DAB1: variants seen among roughly 807,000 people sequenced by gnomAD.
DAB1 encodes the protein disabled homolog 1.
In DAB1, 15 loss-of-function variants were observed where a neutral mutation model predicts 64.6. The observed-to-expected ratio is 0.23, with a 90% CI of 0.16 to 0.36. DAB1 has a LOEUF of 0.36. DAB1 is among the 10% of genes least tolerant of loss of function. The pLI, the probability that DAB1 is intolerant of heterozygous loss-of-function variation, is 1.00. For synonymous variants in DAB1, 235 were observed against 251.9 expected (o/e 0.93, Z 0.64); for missense variants, 596 against 706.7 (o/e 0.84, Z 1.78).
intron 1 of DAB1, among the ~76,000 whole-genome samples, chr1:57,291,912 T>C (rs1672808199): frequency 6.6e-6 from 1 of 152,226 alleles, no homozygotes; most frequent in South Asian, 2.1e-4. Context: ...ATTTACTATA[T>C]ACCATGCCCT....
At chr1:57,254,258 G>A (rs545721362) in intron 2 of DAB1, among the ~76,000 whole-genome samples, 3 of 152,172 alleles carry the variant, frequency 2.0e-5, no homozygotes, top group Non-Finnish European at 2.9e-5. Context: ...CACCAGGCTC[G>A]GAAGCAGGAG....
intron 4 of DAB1, among the ~76,000 whole-genome samples, chr1:58,216,243 C>T (rs1166197969): frequency 6.6e-6 from 1 of 152,036 alleles, no homozygotes; most frequent in Non-Finnish European, 1.5e-5. Flanking sequence ...CGTGTTCTCA[C>T]TGTTCAACTC....
intron 5 of DAB1, among the ~76,000 whole-genome samples, chr1:58,114,686 T>C (rs929781253): frequency 1.4e-4 from 22 of 152,338 alleles, no homozygotes; most frequent in African/African-American, 5.3e-4. Context: ...ACACATACTA[T>C]TGATCCTTTG....
chr1:57,066,797 G>A (rs1427331063), intron 8 of DAB1, among the ~76,000 whole-genome samples: 1 of 152,176 alleles, frequency 6.6e-6, no homozygotes, highest in African/African-American at 2.4e-5. Flanking sequence ...TAGGAGCAGA[G>A]AATATATTAT....
At chr1:58,172,937 C>T (rs541894995) in intron 4 of DAB1, among the ~76,000 whole-genome samples, 22 of 152,304 alleles carry the variant, frequency 1.4e-4, no homozygotes, top group African/African-American at 4.8e-4. Flanking sequence ...TGGGGGAACC[C>T]CCATTAAATA....
intron 6 of DAB1, among the ~76,000 whole-genome samples, chr1:57,708,720 G>A (rs561614097): frequency 5.6e-4 from 85 of 152,234 alleles, no homozygotes; most frequent in African/African-American, 1.9e-3. Context: ...ACTGTGATAC[G>A]ACAGTACCGA....
chr1:58,303,281 C>T (rs1435354852), intron 4 of DAB1, among the ~76,000 whole-genome samples: 1 of 152,162 alleles, frequency 6.6e-6, no homozygotes, highest in Non-Finnish European at 1.5e-5. Context: ...AGAGCTGCTT[C>T]CTGCTGTTGC....
At chr1:57,542,891 A>G (rs1644817996) in intron 7 of DAB1, among the ~76,000 whole-genome samples, 1 of 152,118 alleles carries the variant, frequency 6.6e-6, no homozygotes, top group South Asian at 2.1e-4. Flanking sequence ...TGCAGCTTCC[A>G]TGTCTGTCTG....
chr1:57,497,313 G>T (rs1160216382), intron 7 of DAB1, among the ~76,000 whole-genome samples: 1 of 152,126 alleles, frequency 6.6e-6, no homozygotes, highest in African/African-American at 2.4e-5. Flanking sequence ...GTTTCACAAG[G>T]ACACTGATCA....
intron 5 of DAB1, among the ~76,000 whole-genome samples, chr1:57,918,749 A>G (rs1025329694): frequency 2.0e-5 from 3 of 152,204 alleles, no homozygotes; most frequent in Admixed American, 6.5e-5. Context: ...GTGTGAACCC[A>G]GGAGGCAGAG....
intron 2 of DAB1, among the ~76,000 whole-genome samples, chr1:58,518,928 C>T (rs1455599448): frequency 1.3e-5 from 2 of 152,104 alleles, no homozygotes; most frequent in African/African-American, 4.8e-5. Flanking sequence ...AGTTGAGGCA[C>T]AAAAAGGATA....
intron 6 of DAB1, among the ~76,000 whole-genome samples, chr1:57,726,927 C>T (rs1446219860): frequency 6.6e-6 from 1 of 152,126 alleles, no homozygotes; most frequent in Non-Finnish European, 1.5e-5. Flanking sequence ...AAACTGGACG[C>T]ATAAGCTAAA....
At chr1:57,509,900 C>T (rs374202134) in intron 7 of DAB1, among the ~76,000 whole-genome samples, 7 of 152,174 alleles carry the variant, frequency 4.6e-5, no homozygotes, top group African/African-American at 1.7e-4. Flanking sequence ...ACATTAACTC[C>T]ACCTATGCTC....
Position 57,461,361 on chromosome 1 carries a change from A to C in DAB1, n.626-170195T>G, listed in dbSNP as rs60446265. ...CTTCAGAAACATGGGTTGTTTTTCT[A>C]TTTTCCCTCAAACATAAACCCACTC... On this transcript the variant is annotated intron_variant and non_coding_transcript_variant, in intron 7 of 20. Coordinates refer to the DAB1 transcript ENST00000485760. Among the ~76,000 whole-genome samples the C allele has an allele frequency of 4.2e-3, 634 of 152,152 alleles. 2 individuals are homozygous for C. Among genetic ancestry groups the C allele is most frequent in the African/African-American group, 0.015 (607 of 41,518 alleles).
chr1:58,456,699 T>TA (rs1271462877), intron 3 of DAB1, among the ~76,000 whole-genome samples: 1 of 152,144 alleles, frequency 6.6e-6, no homozygotes, highest in Non-Finnish European at 1.5e-5. Context: ...AGTCACCAAA[T>TA]ACTTATGAAG....
At chr1:57,149,644 A>G (rs1659473168) in intron 2 of DAB1, among the ~76,000 whole-genome samples, 1 of 152,118 alleles carries the variant, frequency 6.6e-6, no homozygotes, top group South Asian at 2.1e-4. Context: ...TTGGAGAAAT[A>G]TCTATTCAAA....
intron 5 of DAB1, among the ~76,000 whole-genome samples, chr1:58,010,870 C>T (rs902229447): frequency 2.6e-5 from 4 of 152,240 alleles, no homozygotes; most frequent in African/African-American, 4.8e-5. Flanking sequence ...CATGGCCTTC[C>T]AGGCAACCAG....
intron 1 of DAB1, among the ~76,000 whole-genome samples, chr1:57,389,190 AAC>A (rs1455908739): frequency 6.6e-6 from 1 of 152,178 alleles, no homozygotes; most frequent in Non-Finnish European, 1.5e-5. Context: ...TACACCCGTA[AAC>A]ACACATCCTT....
intron 4 of DAB1, among the ~76,000 whole-genome samples, chr1:57,127,985 T>TA (rs1322367498): frequency 6.6e-6 from 1 of 151,624 alleles, no homozygotes; most frequent in Non-Finnish European, 1.5e-5. Flanking sequence ...TCATCTCTAC[T>TA]AAAAATACAA....
Sources: allele counts gnomAD v4.1 joint callset (sites outside exome capture counted in the v4.1 genomes callset), GRCh38; gene constraint gnomAD v4.1.1; transcripts MANE v1.5; gene names NCBI Gene and HGNC (gene_info 2026-07-23, HGNC 2026-07-21).